The following OAS1 variants were observed in gnomAD, a reference collection of about 807,000 sequenced individuals.
The protein encoded by OAS1 is 2'-5'-oligoadenylate synthetase 1, also known as 2'-5'-oligoadenylate synthase 1.
Under a neutral mutation model 38.5 loss-of-function variants are expected in OAS1, and 24 were observed. The observed-to-expected ratio is 0.62, with a 90% CI of 0.45 to 0.88. The LOEUF is 0.88. Ranked by LOEUF, OAS1 falls within the 40% of genes least tolerant of loss-of-function variation. The pLI, the probability that OAS1 is intolerant of heterozygous loss-of-function variation, is 0.00. For synonymous variants in OAS1, 169 were observed against 193.9 expected (o/e 0.87, Z 1.07); for missense variants, 482 against 493.9 (o/e 0.98, Z 0.23).
chr12:112,918,126 C>T (rs1183075908), intron 5 of OAS1: 1 of 248,210 alleles, frequency 4.0e-6, no homozygotes, highest in Non-Finnish European at 7.6e-6. Context: ...GGGTTTGGGC[C>T]TCTATTGATC....
chr12:112,908,829 G>C lies in OAS1; in HGVS notation c.469+5G>C. On this transcript the variant is annotated splice_donor_5th_base_variant and intron_variant, in intron 2 of 5. Coordinates refer to ENST00000202917, the MANE Select transcript of OAS1 (RefSeq NM_016816.4). ...TGCCTGCCTTTGATGCCCTGGGTGA[G>C]AGCTCCCAGCTTCTTTTTCTCCCTC... 1 of 1,566,976 alleles carries C rather than the reference G, an allele frequency of 6.4e-7. No individual in the cohort carries two copies. Among genetic ancestry groups the C allele is most frequent in the Non-Finnish European group, 8.6e-7 (1 of 1,157,688 alleles).
intron 1 of OAS1, among the ~76,000 whole-genome samples, chr12:112,907,924 T>C (rs2136293360): frequency 6.6e-6 from 1 of 152,376 alleles, no homozygotes; most frequent in Non-Finnish European, 1.5e-5. Flanking sequence ...CTCCTCCCTG[T>C]AACTGTTTGA....
rs752780755 is a variant in OAS1, at chr12:112,911,157, A to G, written c.576A>G (p.Glu192=). ...GCGAGTTCTCCACCTGCTTCACAGA[A>G]CTACAGAGAGACTTCCTGAAGCAGC... is the stretch of plus-strand genomic sequence containing the variant. ...KEGEFSTCFT[E]LQRDFLKQRP... The change falls in exon 3 of 6, where the codon GAA becomes GAG. Residue 192 remains glutamate (E), a synonymous_variant. Coordinates refer to ENST00000202917, the MANE Select transcript of OAS1 (RefSeq NM_016816.4). The G allele has an allele frequency of 6.2e-7, 1 of 1,614,006 alleles. No homozygotes were observed. The highest frequency in any genetic ancestry group is 1.1e-5 in the South Asian group (1 of 91,062).
chr12:112,926,987 T>C (rs1488482166), intron 6 of OAS1, among the ~76,000 whole-genome samples: 2 of 152,172 alleles, frequency 1.3e-5, no homozygotes, highest in African/African-American at 2.4e-5. Context: ...TTTTTGGTAA[T>C]AAGAGAAATA....
intron 6 of OAS1, among the ~76,000 whole-genome samples, chr12:112,929,012 G>A (rs145798601): frequency 3.5e-4 from 53 of 152,264 alleles, no homozygotes; most frequent in Admixed American, 5.2e-4. Context: ...ACATGGTCCC[G>A]TCTAACTCCT....
intron 3 of OAS1, among the ~76,000 whole-genome samples, chr12:112,911,769 G>T (rs1264227451): frequency 6.6e-6 from 1 of 152,108 alleles, no homozygotes; most frequent in African/African-American, 2.4e-5. Flanking sequence ...CATATAGTTG[G>T]TCCTGATAAA....
Position 112,908,633 on chromosome 12 carries a change from A to G in OAS1, c.278A>G (p.Asn93Ser). The G allele has an allele frequency of 6.2e-7, 1 of 1,614,198 alleles. No homozygotes were observed. ...CTCACCACTTTTCAGGATCAGTTAA[A>G]TCGCCGGGGAGAGTTCATCCAGGAA... is the stretch of plus-strand genomic sequence containing the variant. ...SPLTTFQDQL[N>S]RRGEFIQEIR... Residue 93 changes from asparagine (N) to serine (S), a missense_variant, in exon 2 of 6, where the codon AAT becomes AGT. By Grantham distance (46) the Asn-to-Ser change is conservative. Transcript: ENST00000202917.
In OAS1 at chr12:112,911,110, T is replaced by C; in HGVS notation, c.529T>C (p.Cys177Arg). 1.2e-6 allele frequency: 2 copies of C among 1,613,584 alleles called. No homozygotes were observed. Among genetic ancestry groups the C allele is most frequent in the Non-Finnish European group, 1.7e-6 (2 of 1,179,892 alleles). The change falls in exon 3 of 6, where the codon TGC becomes CGC. Residue 177 changes from cysteine to arginine, a missense_variant. Physicochemically the swap from Cys to Arg is radical, Grantham distance 180 (BLOSUM62 -3). Transcript: ENST00000202917. ...PQIYVKLIEE[C>R]TDLQKEGEFS... ...AATCTATGTCAAGCTCATCGAGGAGTGCACCGACCTGCAGAAAGAGGGCGA... is the reference window on the plus strand; with the variant it reads ...AATCTATGTCAAGCTCATCGAGGAGCGCACCGACCTGCAGAAAGAGGGCGA...
At chr12:112,916,971 A>G in intron 4 of OAS1, 1 of 521,658 alleles carries the variant, frequency 1.9e-6, no homozygotes, top group South Asian at 2.3e-5. Flanking sequence ...AGGTTCTGAG[A>G]GGTAAGGAGC....
In OAS1 at chr12:112,919,509, T is replaced by A; in HGVS notation, c.1159T>A (p.Ser387Thr). The A allele has an allele frequency of 1.2e-6, 2 of 1,614,190 alleles. No homozygotes were observed. Among genetic ancestry groups the A allele is most frequent in the Non-Finnish European group, 1.7e-6 (2 of 1,180,042 alleles). ...TAGACCCAGCACACTCCAGGCAGCA[T>A]CCACCCCACAGGCAGAAGAGGACTG... ...SHRPSTLQAASTPQAEEDWTC... is the reference protein window; with the variant it reads ...SHRPSTLQAATTPQAEEDWTC... Residue 387 changes from serine (S) to threonine (T), a missense_variant, in exon 6 of 6, where the codon TCC becomes ACC. Ser to Thr is a moderately conservative substitution (Grantham distance 58, BLOSUM62 1). Transcript: ENST00000202917.
intron 6 of OAS1, among the ~76,000 whole-genome samples, chr12:112,931,411 T>C (rs1287970895): frequency 1.3e-5 from 2 of 152,238 alleles, no homozygotes; most frequent in African/African-American, 4.8e-5. Flanking sequence ...CTAACCTCTC[T>C]ATGCCATTTC....
chr12:112,912,073 C>T (rs1363878756), intron 3 of OAS1, among the ~76,000 whole-genome samples: 2 of 152,200 alleles, frequency 1.3e-5, no homozygotes, highest in Non-Finnish European at 2.9e-5. Flanking sequence ...CGCGGTAGCT[C>T]ACACCAGTAA....
At chr12:112,913,598 T>A (rs1402178498) in intron 3 of OAS1, among the ~76,000 whole-genome samples, 1 of 152,190 alleles carries the variant, frequency 6.6e-6, no homozygotes, top group Non-Finnish European at 1.5e-5. Flanking sequence ...TACCTTCCAA[T>A]TAACTAATTT....
chr12:112,919,151 G>A, intron 5 of OAS1: 1 of 481,600 alleles, frequency 2.1e-6, no homozygotes, highest in South Asian at 2.2e-5. Context: ...CACTGTGCTT[G>A]GGCACCTTGG....
chr12:112,926,166 G>C (rs1051333501), intron 6 of OAS1, among the ~76,000 whole-genome samples: 7 of 152,242 alleles, frequency 4.6e-5, no homozygotes, highest in African/African-American at 1.7e-4. Context: ...AGCCTGTGGG[G>C]GGTAATGGCC....
chr12:112,932,992 A>G (rs2043607066), downstream of OAS1: 1 of 152,208 alleles, frequency 6.6e-6, no homozygotes, highest in South Asian at 2.1e-4. Context: ...GGTAACACAA[A>G]TAATTCCTAG....
chr12:112,907,636 C>G (rs1268284417), intron 1 of OAS1: 1 of 172,248 alleles, frequency 5.8e-6, no homozygotes, highest in Admixed American at 5.5e-5. Context: ...AGACCTTGAG[C>G]AAGTCACTTA....
downstream of OAS1, among the ~76,000 whole-genome samples, chr12:112,921,012 C>T (rs1565966235): frequency 6.6e-6 from 1 of 152,150 alleles, no homozygotes; most frequent in Non-Finnish European, 1.5e-5. Context: ...TGTCCTCATT[C>T]ATTGAAAGCT....
At chr12:112,917,972 C>G (rs2043487260) in intron 5 of OAS1, 2 of 1,365,086 alleles carry the variant, frequency 1.5e-6, no homozygotes, top group African/African-American at 2.9e-5. Context: ...GCTTCGGGCT[C>G]AGGTTCTGTC....
Sources: allele counts gnomAD v4.1 joint callset (sites outside exome capture counted in the v4.1 genomes callset), GRCh38; gene constraint gnomAD v4.1.1; transcripts MANE v1.5; gene names NCBI Gene and HGNC (gene_info 2026-07-23, HGNC 2026-07-21).